The following CDH4 variants were observed in gnomAD, a reference collection of about 807,000 sequenced individuals.
CDH4 encodes the protein cadherin 4, also known as cadherin-4.
CDH4 carries 33 observed loss-of-function variants against 86.0 expected under a neutral mutation model. The observed-to-expected ratio is 0.38, with a 90% CI of 0.29 to 0.51. The LOEUF is 0.51. Among genes scored for constraint, CDH4 ranks in the 20% least tolerant of loss-of-function variants. CDH4 has a pLI of 0.86. For missense variants in CDH4, 1,114 were observed against 1,307.4 expected, an observed-to-expected ratio of 0.85 and a Z score of 2.28; for synonymous variants, 555 against 549.4, an observed-to-expected ratio of 1.01 and a Z score of -0.14.
chr20:61,691,339 ATGTG>A (rs767569867), intron 2 of CDH4, among the ~76,000 whole-genome samples: 16 of 149,524 alleles, frequency 1.1e-4, no homozygotes, highest in African/African-American at 3.9e-4. Flanking sequence ...GGATGTGTGT[ATGTG>A]TGTGTATTTT....
chr20:61,858,413 GTC>G (rs1190284831), intron 6 of CDH4, among the ~76,000 whole-genome samples: 1 of 150,232 alleles, frequency 6.7e-6, no homozygotes, highest in African/African-American at 2.5e-5. Context: ...GTGTGTCTGC[GTC>G]TGTGTGTGTG....
chr20:61,697,107 A>T (rs182917480), intron 2 of CDH4, among the ~76,000 whole-genome samples: 1 of 152,304 alleles, frequency 6.6e-6, no homozygotes, highest in African/African-American at 2.4e-5. Flanking sequence ...AATGTGTTGC[A>T]GCAGCCCCGG....
chr20:61,813,068 C>T (rs1980521021), intron 4 of CDH4, among the ~76,000 whole-genome samples: 1 of 152,214 alleles, frequency 6.6e-6, no homozygotes, highest in Admixed American at 6.5e-5. Flanking sequence ...CATCCCGCTG[C>T]CTTCCTTTTC....
At chr20:61,599,033 G>T (rs1036674123) in intron 2 of CDH4, among the ~76,000 whole-genome samples, 1 of 152,200 alleles carries the variant, frequency 6.6e-6, no homozygotes, top group Non-Finnish European at 1.5e-5. Flanking sequence ...TCTCCCTTTT[G>T]AATAAATTTG....
At chr20:61,643,075 T>A (rs1434574240) in intron 2 of CDH4, among the ~76,000 whole-genome samples, 1 of 152,194 alleles carries the variant, frequency 6.6e-6, no homozygotes, top group Non-Finnish European at 1.5e-5. Flanking sequence ...ACTGGGAAAT[T>A]TATAAAGAAA....
At chr20:61,723,453 C>T (rs2088066241) in intron 2 of CDH4, among the ~76,000 whole-genome samples, 1 of 152,220 alleles carries the variant, frequency 6.6e-6, no homozygotes, top group African/African-American at 2.4e-5. Flanking sequence ...GCAGCCTCCT[C>T]CGGGCTTGGC....
chr20:61,851,705 G>C (rs1025238647), intron 5 of CDH4, among the ~76,000 whole-genome samples: 9 of 152,178 alleles, frequency 5.9e-5, no homozygotes, highest in African/African-American at 2.2e-4. Flanking sequence ...CAGCCCCTCA[G>C]CAGCCCCCTC....
In CDH4 at chr20:61,377,161, C is replaced by T. The variant is rs971578491; in HGVS notation, c.169+122224C>T. ...AGTGACATATTCTGCAAGCAGGGCT[C>T]GGCAATTATTGAAGAGTTGGCGGCT... On this transcript the variant is annotated intron_variant, in intron 2 of 15. Transcript: ENST00000614565. This position sits in a 1 kb window ranked among gnomAD's most constrained non-coding sequence, Gnocchi z 4.0. Among the ~76,000 whole-genome samples, 4 of 152,066 alleles carry T rather than the reference C, an allele frequency of 2.6e-5. No individual in the cohort carries two copies. The highest frequency in any genetic ancestry group is 7.2e-5 in the African/African-American group (3 of 41,408).
At chr20:61,419,866 C>G (rs891048199) in intron 2 of CDH4, among the ~76,000 whole-genome samples, 1 of 152,238 alleles carries the variant, frequency 6.6e-6, no homozygotes, top group Non-Finnish European at 1.5e-5. Context: ...TGCTCCCTCA[C>G]AGCCATCATC....
intron 6 of CDH4, among the ~76,000 whole-genome samples, chr20:61,866,819 T>A (rs1407076993): frequency 6.6e-6 from 1 of 152,132 alleles, no homozygotes; most frequent in Non-Finnish European, 1.5e-5. Flanking sequence ...AAAAGCAGAT[T>A]CCTGAACGTA....
intron 2 of CDH4, among the ~76,000 whole-genome samples, chr20:61,527,900 G>A (rs983900903): frequency 4.6e-5 from 7 of 152,222 alleles, no homozygotes; most frequent in African/African-American, 9.6e-5. Flanking sequence ...GGGCACCGGC[G>A]CTCACCCTTT....
At chr20:61,452,483 G>A (rs770151022) in intron 2 of CDH4, among the ~76,000 whole-genome samples, 1 of 152,182 alleles carries the variant, frequency 6.6e-6, no homozygotes, top group Admixed American at 6.5e-5. Flanking sequence ...ATCAAATGCA[G>A]CTCTTCTTGT....
At chr20:61,312,530 T>C (rs1011278574) in intron 2 of CDH4, among the ~76,000 whole-genome samples, 1 of 152,082 alleles carries the variant, frequency 6.6e-6, no homozygotes, top group East Asian at 1.9e-4. Flanking sequence ...CTGGTCCGTA[T>C]TGGGGACCCC....
At chr20:61,868,986 G>A (rs1339156389) in intron 6 of CDH4, among the ~76,000 whole-genome samples, 2 of 152,114 alleles carry the variant, frequency 1.3e-5, no homozygotes, top group Non-Finnish European at 2.9e-5. Context: ...GCAGGCTGTG[G>A]TGGACACACA....
intron 8 of CDH4, among the ~76,000 whole-genome samples, chr20:61,899,629 G>A (rs563434811): frequency 2.6e-5 from 4 of 152,134 alleles, no homozygotes; most frequent in Non-Finnish European, 4.4e-5. Context: ...GGGTTTCACT[G>A]TGTTAGCCAG....
intron 2 of CDH4, among the ~76,000 whole-genome samples, chr20:61,551,283 T>G (rs981668454): frequency 3.3e-5 from 5 of 152,232 alleles, no homozygotes; most frequent in African/African-American, 1.2e-4. Flanking sequence ...TTGTCCTCAC[T>G]GTCTTGTCTC....
chr20:61,686,724 TGC>T (rs1327164121), intron 2 of CDH4, among the ~76,000 whole-genome samples: 1 of 151,836 alleles, frequency 6.6e-6, no homozygotes, highest in African/African-American at 2.4e-5. Context: ...CCCGTGTGTG[TGC>T]CTTCGTGCGT....
intron 2 of CDH4, among the ~76,000 whole-genome samples, chr20:61,331,801 A>G (rs954966265): frequency 7.7e-6 from 1 of 129,368 alleles, no homozygotes. Context: ...AGCAGTCTTG[A>G]GCAGTTCTCA....
chr20:61,498,188 C>G (rs1470300422), intron 2 of CDH4, among the ~76,000 whole-genome samples: 2 of 151,864 alleles, frequency 1.3e-5, no homozygotes, highest in African/African-American at 2.4e-5. Context: ...CTCATGTACC[C>G]TAGAACTTAA....
Sources: gnomAD v4.1 joint callset for allele counts (sites outside exome capture counted in the v4.1 genomes callset) on GRCh38, gnomAD v4.1.1 for gene constraint, Gnocchi (gnomAD v3.1) non-coding constraint, MANE v1.5 for transcripts, NCBI Gene and HGNC (gene_info 2026-07-23, HGNC 2026-07-21) for gene names.